Variants in RNF4 observed in about 807,000 individuals in gnomAD.
The protein encoded by RNF4 is E3 ubiquitin-protein ligase RNF4.
A neutral mutation model predicts 24.3 loss-of-function variants in RNF4; 7 were observed. The observed-to-expected ratio is 0.29, with a 90% CI of 0.16 to 0.54. The LOEUF is 0.54. Among genes scored for constraint, RNF4 ranks in the 20% least tolerant of loss-of-function variants. The pLI is 0.95. For missense variants in RNF4, 209 were observed against 248.5 expected (o/e 0.84, Z 1.07); for synonymous variants, 83 against 84.3 (o/e 0.98, Z 0.09).
chr4:2,509,376 C>A (rs1416266155), intron 4 of RNF4, among the ~76,000 whole-genome samples: 1 of 151,666 alleles, frequency 6.6e-6, no homozygotes, highest in Non-Finnish European at 1.5e-5. Context: ...CGCCACCACA[C>A]CCAGCTAATT....
At chr4:2,484,661 TG>T (rs968792803) in intron 1 of RNF4, among the ~76,000 whole-genome samples, 8 of 148,328 alleles carry the variant, frequency 5.4e-5, no homozygotes, top group Non-Finnish European at 9.0e-5. Flanking sequence ...ATAGCTTTAT[TG>T]GGGGGGACCT....
chr4:2,483,283 C>T (rs773977841), intron 1 of RNF4, among the ~76,000 whole-genome samples: 3 of 152,264 alleles, frequency 2.0e-5, no homozygotes, highest in Non-Finnish European at 2.9e-5. Context: ...TTTCATTCAG[C>T]GGTCACTGGT....
At chr4:2,491,941 G>A (rs13109448) in intron 2 of RNF4, among the ~76,000 whole-genome samples, 20 of 151,294 alleles carry the variant, frequency 1.3e-4, no homozygotes, top group Non-Finnish European at 2.4e-4. Flanking sequence ...GCTTATGCCT[G>A]TAATCCCAGC....
At chr4:2,501,539 C>T (rs573868986) in intron 4 of RNF4, among the ~76,000 whole-genome samples, 6 of 152,312 alleles carry the variant, frequency 3.9e-5, no homozygotes, top group South Asian at 2.1e-4. Flanking sequence ...AGAGGACACA[C>T]GGAGAAGCTA....
At chr4:2,471,882 G>A (rs1734918851) in intron 1 of RNF4, among the ~76,000 whole-genome samples, 1 of 152,210 alleles carries the variant, frequency 6.6e-6, no homozygotes, top group Non-Finnish European at 1.5e-5. Flanking sequence ...AAGGGAAGAA[G>A]CCACCTCTGT....
At chr4:2,483,112 C>T (rs924774413) in intron 1 of RNF4, among the ~76,000 whole-genome samples, 29 of 152,344 alleles carry the variant, frequency 1.9e-4, no homozygotes, top group African/African-American at 7.0e-4. Flanking sequence ...TGTTGATCAT[C>T]TTTCCAGCTA....
intron 1 of RNF4, among the ~76,000 whole-genome samples, chr4:2,478,171 G>T (rs1735137483): frequency 6.6e-6 from 1 of 152,162 alleles, no homozygotes; most frequent in South Asian, 2.1e-4. Flanking sequence ...TAGGGTATCT[G>T]GCAGAATAAA....
In RNF4 at chr4:2,479,889, G is replaced by A. The variant is rs564740115; in HGVS notation, c.-157-10448G>A. 2.0e-5 allele frequency: 3 copies of A among 152,176 alleles called. No homozygotes were observed. The East Asian group carries it at 5.8e-4, about 29-fold the overall frequency. 9.4% of individuals were successfully genotyped at this position (152,176 alleles called of 1,614,324 possible). On this transcript the variant is annotated intron_variant, in intron 1 of 7. Coordinates refer to ENST00000314289, the MANE Select transcript of RNF4 (RefSeq NM_002938.5). ...CAAAAACACTCTGCCATCTTTTCAAGGTATCCGCCATCTCTTTCAAGCATG... is the reference window on the plus strand; with the variant it reads ...CAAAAACACTCTGCCATCTTTTCAAAGTATCCGCCATCTCTTTCAAGCATG...
chr4:2,492,163 C>T (rs1023918233), intron 2 of RNF4, among the ~76,000 whole-genome samples: 1 of 150,146 alleles, frequency 6.7e-6, no homozygotes, highest in Non-Finnish European at 1.5e-5. Context: ...CGTGCCACTG[C>T]AGTCCAGCCT....
At chr4:2,507,950 G>A (rs1461647394) in intron 4 of RNF4, among the ~76,000 whole-genome samples, 1 of 152,106 alleles carries the variant, frequency 6.6e-6, no homozygotes, top group Non-Finnish European at 1.5e-5. Flanking sequence ...AACCTCCCAG[G>A]TTGAAGAGAT....
chr4:2,499,848 A>C (rs1735854590), intron 3 of RNF4, among the ~76,000 whole-genome samples: 1 of 152,154 alleles, frequency 6.6e-6, no homozygotes, highest in Non-Finnish European at 1.5e-5. Context: ...AACTTGAGAG[A>C]TAAATGGAAA....
At chr4:2,502,634 T>C (rs1484103156) in intron 4 of RNF4, among the ~76,000 whole-genome samples, 1 of 148,982 alleles carries the variant, frequency 6.7e-6, no homozygotes, top group Non-Finnish European at 1.5e-5. Flanking sequence ...ATCACGTCAC[T>C]GCACTCCAGC....
In RNF4 at chr4:2,514,071, C is replaced by A. The variant is rs1333721930; in HGVS notation, c.*252C>A. 2 of 453,678 alleles carry A rather than the reference C, an allele frequency of 4.4e-6. No individual in the cohort carries two copies. Among genetic ancestry groups the A allele is most frequent in the African/African-American group, 3.9e-5 (2 of 51,700 alleles). 28.1% of individuals were successfully genotyped at this position (453,678 alleles called of 1,614,324 possible). The stretch of plus-strand genomic sequence containing the variant: ...AGTTCTAGAGTGGGAGAAAGGGAGT[C>A]AGGCGCATTGGGAATCGTGGTTCCA... On this transcript the variant is annotated 3_prime_UTR_variant, in exon 8 of 8. Coordinates refer to ENST00000314289, the MANE Select transcript of RNF4 (RefSeq NM_002938.5).
At chr4:2,487,901 C>T (rs1359184559) in intron 1 of RNF4, among the ~76,000 whole-genome samples, 2 of 152,178 alleles carry the variant, frequency 1.3e-5, no homozygotes, top group Non-Finnish European at 2.9e-5. Flanking sequence ...TTCTCAGAAC[C>T]AGACGACCAA....
chr4:2,509,069 C>T (rs1736191032), intron 4 of RNF4, among the ~76,000 whole-genome samples: 1 of 150,814 alleles, frequency 6.6e-6, no homozygotes, highest in Admixed American at 6.6e-5. Flanking sequence ...CAGGTGCCCA[C>T]CACCACACCC....
chr4:2,511,964 C>T lies in RNF4; in HGVS notation c.213C>T (p.Asp71=), dbSNP rs376614192. 1.6e-5 allele frequency: 26 copies of T among 1,606,972 alleles called. No individual in the cohort carries two copies. The highest frequency in any genetic ancestry group is 1.6e-4 in the African/African-American group (12 of 74,976). Residue 71 remains aspartate (D), a splice_region_variant and synonymous_variant, in exon 5 of 8, where the codon GAC becomes GAT. Transcript: ENST00000314289. The stretch of plus-strand genomic sequence containing the variant: ...CTCCTTCTGTTTACAAGATTGTTGA[C>T]GGTGAGTGGTTTCGTTTCCTTTTTC... ...LTHNDSVVIV[D]ERRRPRRNAR...
chr4:2,510,977 A>G (rs1286133981), intron 4 of RNF4, among the ~76,000 whole-genome samples: 6 of 152,258 alleles, frequency 3.9e-5, no homozygotes, highest in Admixed American at 3.9e-4. Flanking sequence ...TTGGTCATGC[A>G]TAGCCTGCTT....
rs769874130 is a variant in RNF4 at position 2,490,602 on chromosome 4, CTAAG to C, written c.9+104_9+107del. ...GAAAGTGAGTTCCATAATGTCACTT[CTAAG>C]TAACCCCACTTCTTGAAGGAGTATG... On this transcript the variant is annotated intron_variant, in intron 2 of 7. Coordinates refer to ENST00000314289, the MANE Select transcript of RNF4 (RefSeq NM_002938.5). 2.6e-4 allele frequency: 324 copies of C among 1,241,462 alleles called. 1 individual carries two copies. The highest frequency in any genetic ancestry group is 3.2e-4 in the Non-Finnish European group (282 of 874,128). The allele number at this position is 1,241,462 out of a possible 1,614,324, so 76.9% of individuals were successfully genotyped here. A position where few individuals can be genotyped will look rare whatever the true frequency, so the allele number is the denominator to read the frequency against.
chr4:2,494,822 A>C (rs996697027), intron 2 of RNF4: 4 of 152,282 alleles, frequency 2.6e-5, no homozygotes, highest in Admixed American at 2.0e-4. Flanking sequence ...TAATATAAGC[A>C]TGCCAAGGTA....
Sources: allele counts gnomAD v4.1 joint callset (sites outside exome capture counted in the v4.1 genomes callset), GRCh38; gene constraint gnomAD v4.1.1; transcripts MANE v1.5; gene names NCBI Gene and HGNC (gene_info 2026-07-23, HGNC 2026-07-21).